ADAM12: variants seen among roughly 807,000 people sequenced by gnomAD.
The protein encoded by ADAM12 is ADAM metallopeptidase domain 12.
In ADAM12, 70 loss-of-function variants were observed where a neutral mutation model predicts 106.4. The observed-to-expected ratio is 0.66, with a 90% CI of 0.54 to 0.80. The LOEUF (loss-of-function observed/expected upper bound fraction) is 0.80, where lower values mean the gene tolerates loss of function less well. Ranked by LOEUF, ADAM12 falls within the 30% of genes least tolerant of loss-of-function variation. The probability of loss-of-function intolerance (pLI) is 0.00; values close to 1 mark genes in which losing one functional copy is unlikely to be tolerated. For synonymous variants in ADAM12, 420 were observed against 433.5 expected, an observed-to-expected ratio of 0.97 and a Z score of 0.39; for missense variants, 1,010 against 1,171.9, an observed-to-expected ratio of 0.86 and a Z score of 2.02.
chr10:126,322,739 C>T (rs1854147642), intron 2 of ADAM12, among the ~76,000 whole-genome samples: 1 of 152,208 alleles, frequency 6.6e-6, no homozygotes, highest in Admixed American at 6.5e-5. Flanking sequence ...AAGCCCAACG[C>T]CACACAGCAA....
In ADAM12 at chr10:126,038,335, G is replaced by C; in HGVS notation, c.2255C>G (p.Ser752Cys). The change falls in exon 20 of 23, where the codon TCC (serine) becomes TGC (cysteine). Residue 752 changes from serine to cysteine, a missense_variant. Physicochemically the swap from Ser to Cys is moderately radical, Grantham distance 112. Around this residue, in one of 3 missense-constraint regions of ADAM12, gnomAD observed 615 missense variants for 708.5 expected, o/e 0.87. Transcript: ENST00000448723. Reference protein sequence around the residue: ...TIEKLRCVRPSRPPRGFQPCQ... With the variant: ...TIEKLRCVRPCRPPRGFQPCQ... ...GGGTTGGAAGCCACGGGGTGGCCGG[G>C]AAGGGCGCACACACCTGCAACAGAA... The C allele has an allele frequency of 6.2e-7, 1 of 1,600,934 alleles. No individual in the cohort carries two copies. Among genetic ancestry groups the C allele is most frequent in the Non-Finnish European group, 8.5e-7 (1 of 1,172,676 alleles).
At chr10:126,058,737 TC>T (rs986372616) in intron 14 of ADAM12, among the ~76,000 whole-genome samples, 4 of 152,200 alleles carry the variant, frequency 2.6e-5, no homozygotes, top group African/African-American at 9.6e-5. Context: ...ACAGAGTGCT[TC>T]CCGTGGCTTT....
At chr10:126,202,974 A>T (rs955196312) in intron 3 of ADAM12, among the ~76,000 whole-genome samples, 17 of 152,340 alleles carry the variant, frequency 1.1e-4, no homozygotes, top group African/African-American at 3.6e-4. Flanking sequence ...ACATTGTTGC[A>T]GATAGTAGAA....
intron 9 of ADAM12, 103 bp from the exon 10 acceptor site, chr10:126,098,603 A>C (rs1341015356): frequency 1.0e-6 from 1 of 992,068 alleles, no homozygotes; most frequent in Non-Finnish European, 1.6e-6. Flanking sequence ...ATACGCAAAA[A>C]TAAAAATAGC....
intron 3 of ADAM12, among the ~76,000 whole-genome samples, chr10:126,211,099 T>A (rs1957892901): frequency 6.6e-6 from 1 of 152,114 alleles, no homozygotes; most frequent in South Asian, 2.1e-4. Context: ...GGCATTAGAA[T>A]GTGAGTTATG....
intron 3 of ADAM12, among the ~76,000 whole-genome samples, chr10:126,218,947 G>T (rs910432645): frequency 6.6e-6 from 1 of 152,172 alleles, no homozygotes; most frequent in Admixed American, 6.5e-5. Flanking sequence ...GCCTGACCTC[G>T]TGCTTGATGC....
chr10:126,241,264 G>GT (rs1416332421), intron 3 of ADAM12, among the ~76,000 whole-genome samples: 1 of 152,220 alleles, frequency 6.6e-6, no homozygotes, highest in African/African-American at 2.4e-5. Flanking sequence ...TTTGGGGGTT[G>GT]TTTTTGGAGA....
At chr10:126,348,339 A>T (rs564430399) in intron 1 of ADAM12, among the ~76,000 whole-genome samples, 2 of 152,272 alleles carry the variant, frequency 1.3e-5, no homozygotes, top group Non-Finnish European at 2.9e-5. Flanking sequence ...TGTCTTCACA[A>T]CAGGGATGCC....
chr10:126,292,394 A>G (rs764914653), intron 2 of ADAM12, among the ~76,000 whole-genome samples: 6 of 151,922 alleles, frequency 3.9e-5, no homozygotes, highest in Admixed American at 6.6e-5. Flanking sequence ...AGTTCCTTCT[A>G]TTCCTGCAAC....
intron 1 of ADAM12, among the ~76,000 whole-genome samples, chr10:126,346,438 C>A (rs146363473): frequency 2.0e-5 from 3 of 152,082 alleles, no homozygotes; most frequent in Non-Finnish European, 2.9e-5. Context: ...TGCTTTACTT[C>A]CAACTATGTG....
intron 3 of ADAM12, among the ~76,000 whole-genome samples, chr10:126,264,207 C>A (rs531774180): frequency 6.6e-6 from 1 of 152,324 alleles, no homozygotes; most frequent in East Asian, 1.9e-4. Flanking sequence ...TTCTGTGATG[C>A]TGATATTTGC....
intron 14 of ADAM12, among the ~76,000 whole-genome samples, chr10:126,052,054 C>T (rs4962317): frequency 0.13 from 20,172 of 152,228 alleles, 1,432 homozygotes; most frequent in Middle Eastern, 0.28. Flanking sequence ...ATATATTTCT[C>T]AGATTCACAT....
chr10:126,333,625 G>T (rs1356838184), intron 1 of ADAM12, among the ~76,000 whole-genome samples: 1 of 152,192 alleles, frequency 6.6e-6, no homozygotes, highest in Non-Finnish European at 1.5e-5. Flanking sequence ...TAATCAGGGT[G>T]AGGCTACAGA....
At chr10:126,236,681 C>T (rs1047612815) in intron 3 of ADAM12, among the ~76,000 whole-genome samples, 1 of 151,112 alleles carries the variant, frequency 6.6e-6, no homozygotes, top group Admixed American at 6.6e-5. Context: ...GGAAGGAGCA[C>T]CTGTAGGAAA....
At chr10:126,018,941 T>C (rs1953709066) in intron 22 of ADAM12, among the ~76,000 whole-genome samples, 1 of 152,204 alleles carries the variant, frequency 6.6e-6, no homozygotes, top group Non-Finnish European at 1.5e-5. Context: ...CAGATTCTGC[T>C]GAGAGTTGTG....
intron 21 of ADAM12, among the ~76,000 whole-genome samples, chr10:126,035,709 GA>G (rs1180175989): frequency 1.3e-5 from 2 of 152,114 alleles, no homozygotes; most frequent in Non-Finnish European, 2.9e-5. Flanking sequence ...GTTTGGTACG[GA>G]GACACTCTGT....
intron 1 of ADAM12, among the ~76,000 whole-genome samples, chr10:126,385,599 A>G (rs958414577): frequency 1.3e-5 from 2 of 152,246 alleles, no homozygotes; most frequent in African/African-American, 4.8e-5. Flanking sequence ...GAAATGCCAT[A>G]AAACACTGCA....
At chr10:126,083,488 C>T (rs1005380312) in intron 11 of ADAM12, among the ~76,000 whole-genome samples, 3 of 152,214 alleles carry the variant, frequency 2.0e-5, no homozygotes, top group Non-Finnish European at 2.9e-5. Flanking sequence ...GCAGCTGCTC[C>T]GATGCCTCGG....
intron 1 of ADAM12, among the ~76,000 whole-genome samples, chr10:126,350,975 C>A (rs1456373562): frequency 1.3e-5 from 2 of 152,214 alleles, no homozygotes; most frequent in Non-Finnish European, 2.9e-5. Flanking sequence ...TTTGCTCATG[C>A]TGGTCTTCCA....
Sources: allele counts gnomAD v4.1 joint callset (sites outside exome capture counted in the v4.1 genomes callset), GRCh38; gene constraint gnomAD v4.1.1; regional missense constraint gnomAD v4.1.1; transcripts MANE v1.5; gene names NCBI Gene and HGNC (gene_info 2026-07-23, HGNC 2026-07-21).